The following EPG5 variants were observed in gnomAD, a reference collection of about 807,000 sequenced individuals.
EPG5 encodes ectopic P-granules 5 autophagy tethering factor.
A neutral mutation model predicts 302.7 loss-of-function variants in EPG5; 159 were observed. The observed-to-expected ratio is 0.53, with a 90% CI of 0.46 to 0.60. EPG5 has a LOEUF of 0.60. EPG5 is among the 20% of genes least tolerant of loss of function. The pLI is 0.00. For synonymous variants in EPG5, 1,158 were observed against 1,136.8 expected (o/e 1.02, Z -0.37); for missense variants, 2,896 against 3,092.4 (o/e 0.94, Z 1.51).
At chr18:45,844,301 T>C (rs548000600), downstream of EPG5, among the ~76,000 whole-genome samples, 202 of 152,146 alleles carry the variant, frequency 1.3e-3, no homozygotes, top group Non-Finnish European at 2.3e-3. Flanking sequence ...GTGGGGATAC[T>C]TACTGAGAAC....
intron 1 of EPG5, among the ~76,000 whole-genome samples, chr18:45,958,366 A>C (rs78940552): frequency 0.032 from 4,926 of 152,310 alleles, 147 homozygotes; most frequent in South Asian, 0.14. Flanking sequence ...GACCCACAAC[A>C]GACAGAAAAT....
the EPG5 span, chr18:45,842,442 TGA>T: frequency 0.041 from 13,091 of 318,152 alleles, 1 homozygote; most frequent in Middle Eastern, 0.056. Flanking sequence ...TGTGTGTGTG[TGA>T]GAGAGAGAGA....
At chr18:45,961,367 A>C (rs953956747) in intron 1 of EPG5, among the ~76,000 whole-genome samples, 3 of 152,020 alleles carry the variant, frequency 2.0e-5, no homozygotes, top group Admixed American at 6.6e-5. Context: ...TACTTTTCTG[A>C]CTTCATCTCC....
At chr18:45,917,850 C>T (rs147966814) in intron 16 of EPG5, 31 bp from the exon 17 acceptor site, 4 of 1,611,428 alleles carry the variant, frequency 2.5e-6, no homozygotes, top group Non-Finnish European at 3.4e-6. Flanking sequence ...ACTGAATACA[C>T]AAGGGAGCTG....
At chr18:45,872,366 T>TA (rs2048889132) in intron 35 of EPG5, among the ~76,000 whole-genome samples, 1 of 152,168 alleles carries the variant, frequency 6.6e-6, no homozygotes, top group Non-Finnish European at 1.5e-5. Context: ...CCACACACAG[T>TA]AAGAACAGAA....
At chr18:45,831,896 C>A in the EPG5 span, among the ~76,000 whole-genome samples, 1 of 152,176 alleles carries the variant, frequency 6.6e-6, no homozygotes, top group Non-Finnish European at 1.5e-5. Context: ...CACCACTGCG[C>A]CCAGCTAATT....
In EPG5 at chr18:45,916,465, G is replaced by A. The variant is rs202137313; in HGVS notation, c.3357C>T (p.Asn1119=). 8 of 1,613,346 alleles carry A rather than the reference G, an allele frequency of 5.0e-6. No individual in the cohort carries two copies. Among genetic ancestry groups the A allele is most frequent in the Middle Eastern group, 1.7e-4 (1 of 6,048 alleles). Residue 1119 remains asparagine (N), a synonymous_variant, in exon 18 of 44, where the codon AAC becomes AAT. Transcript: ENST00000282041. ...GGATCATGCTGTTGAGAAGCTTCAC[G>A]TTGTCCCCATGGCTGGCTCCTGTCA... ...QHLTGASHGD[N]VKLLNSMIQA... is the part of the protein sequence containing the mutation.
the EPG5 span, chr18:45,840,154 A>G: frequency 6.3e-7 from 1 of 1,599,196 alleles, no homozygotes; most frequent in East Asian, 2.2e-5. Flanking sequence ...GGGTGGGCGC[A>G]CAGGCTGCAG....
the EPG5 span, among the ~76,000 whole-genome samples, chr18:45,830,583 C>CTTTTTTT: frequency 9.3e-3 from 897 of 96,712 alleles, 16 homozygotes; most frequent in East Asian, 0.017. Context: ...ATTTTTCTTT[C>CTTTTTTT]TTTTTTTTTT....
intron 16 of EPG5, among the ~76,000 whole-genome samples, chr18:45,921,949 C>T (rs1653793038): frequency 7.0e-6 from 1 of 142,698 alleles, no homozygotes; most frequent in South Asian, 2.2e-4. Flanking sequence ...TACCCTAGAA[C>T]TTAAAGTAAA....
chr18:45,948,700 T>C (rs1222700959), intron 5 of EPG5, 124 bp from the exon 6 acceptor site: 4 of 703,350 alleles, frequency 5.7e-6, no homozygotes, highest in African/African-American at 1.8e-5. Context: ...TGGTACCTAA[T>C]ACACAAGAGT....
At chr18:45,963,395 G>A (rs2051188100) in intron 1 of EPG5, among the ~76,000 whole-genome samples, 1 of 152,174 alleles carries the variant, frequency 6.6e-6, no homozygotes, top group Admixed American at 6.5e-5. Flanking sequence ...AGAGAACTTT[G>A]GGAGGCCGAG....
chr18:45,913,974 A>G (rs2049970606), intron 20 of EPG5, 146 bp from the exon 21 acceptor site: 1 of 874,878 alleles, frequency 1.1e-6, no homozygotes, highest in African/African-American at 1.7e-5. Context: ...ACCTTTTTAT[A>G]CCTACCTATA....
At chr18:45,836,497 C>G in the EPG5 span, among the ~76,000 whole-genome samples, 1 of 152,166 alleles carries the variant, frequency 6.6e-6, no homozygotes, top group African/African-American at 2.4e-5. Context: ...CCCCTCTCCC[C>G]CAAAGCAGCA....
intron 11 of EPG5, 144 bp downstream of exon 11, chr18:45,934,665 G>A: frequency 1.1e-6 from 1 of 888,728 alleles, no homozygotes; most frequent in Admixed American, 3.4e-5. Flanking sequence ...CTGTGAAGCA[G>A]TCTCCTGAAT....
chr18:45,928,115 G>C (rs2050317527), intron 13 of EPG5, among the ~76,000 whole-genome samples: 1 of 151,938 alleles, frequency 6.6e-6, no homozygotes, highest in Non-Finnish European at 1.5e-5. Context: ...AGAATCACTT[G>C]AACCTGGGAG....
At chr18:45,900,274 C>A (rs539549515) in intron 26 of EPG5, among the ~76,000 whole-genome samples, 1 of 151,848 alleles carries the variant, frequency 6.6e-6, no homozygotes, top group African/African-American at 2.4e-5. Flanking sequence ...TGGTAGTGGG[C>A]GCCTATAGTC....
chr18:45,807,748 C>T, the EPG5 span, among the ~76,000 whole-genome samples: 1 of 152,190 alleles, frequency 6.6e-6, no homozygotes, highest in African/African-American at 2.4e-5. Context: ...CAGCCGTAGA[C>T]CTTCCCTCTG....
intron 1 of EPG5, among the ~76,000 whole-genome samples, chr18:45,966,439 T>TATATGTATATATGTGTAC (rs1409954359): frequency 2.6e-5 from 4 of 151,986 alleles, no homozygotes; most frequent in Non-Finnish European, 5.9e-5. Context: ...TATGTACGTA[T>TATATGTATATATGTGTAC]ATATGTATAT....
Sources: gnomAD v4.1 joint callset for allele counts (sites outside exome capture counted in the v4.1 genomes callset) on GRCh38, gnomAD v4.1.1 for gene constraint, MANE v1.5 for transcripts, NCBI Gene and HGNC (gene_info 2026-07-23, HGNC 2026-07-21) for gene names.